COQ3: variants seen among roughly 807,000 people sequenced by gnomAD.
COQ3 encodes the protein coenzyme Q3, methyltransferase, also known as ubiquinone biosynthesis O-methyltransferase, mitochondrial.
COQ3 carries 29 observed loss-of-function variants against 33.1 expected under a neutral mutation model. The ratio of observed to expected loss-of-function variants is 0.88; its 90% CI spans 0.65 to 1.19. The LOEUF (loss-of-function observed/expected upper bound fraction) is 1.19, where lower values mean the gene tolerates loss of function less well. Ranked by LOEUF, COQ3 falls within the 50% of genes most tolerant of loss-of-function variation. COQ3 has a pLI of 0.00. For synonymous variants in COQ3, 173 were observed against 157.8 expected, an observed-to-expected ratio of 1.10 and a Z score of -0.72; for missense variants, 437 against 430.7, an observed-to-expected ratio of 1.01 and a Z score of -0.13.
intron 1 of COQ3, among the ~76,000 whole-genome samples, chr6:99,385,933 C>T (rs1424212719): frequency 1.4e-5 from 2 of 141,014 alleles, no homozygotes; most frequent in African/African-American, 5.3e-5. Flanking sequence ...GCCAAGATTG[C>T]GCCACTGCAC....
chr6:99,385,762 A>T (rs1019198787), intron 1 of COQ3, among the ~76,000 whole-genome samples: 19 of 152,022 alleles, frequency 1.2e-4, no homozygotes, highest in Middle Eastern at 3.2e-3. Flanking sequence ...AGATCACATG[A>T]GGTCAGGAGT....
At chr6:99,372,508 C>T (rs879469402) in intron 5 of COQ3, among the ~76,000 whole-genome samples, 2 of 152,002 alleles carry the variant, frequency 1.3e-5, no homozygotes, top group Non-Finnish European at 2.9e-5. Flanking sequence ...ACCTCCACCT[C>T]CCGGGTTCAA....
intron 1 of COQ3, among the ~76,000 whole-genome samples, chr6:99,384,569 A>G (rs1774562763): frequency 6.6e-6 from 1 of 152,234 alleles, no homozygotes; most frequent in Admixed American, 6.5e-5. Context: ...CATATGCTCA[A>G]TACCCTTTAC....
chr6:99,391,995 T>C (rs1774844841), intron 1 of COQ3, among the ~76,000 whole-genome samples: 1 of 145,528 alleles, frequency 6.9e-6, no homozygotes, highest in Non-Finnish European at 1.5e-5. Flanking sequence ...CAAGACCTTT[T>C]CTCAAAAAAA....
At chr6:99,390,573 C>T (rs1443540795) in intron 1 of COQ3, among the ~76,000 whole-genome samples, 1 of 152,214 alleles carries the variant, frequency 6.6e-6, no homozygotes, top group East Asian at 1.9e-4. Context: ...ACCTCATGAT[C>T]CACCCGCCTC....
At chr6:99,375,126 C>T (rs557816770) in intron 5 of COQ3, among the ~76,000 whole-genome samples, 31 of 151,600 alleles carry the variant, frequency 2.0e-4, no homozygotes, top group East Asian at 2.0e-4. Context: ...TGCGCCACCA[C>T]GCCTGGCTAA....
At chr6:99,377,698 T>C (rs1774337406) in intron 3 of COQ3, among the ~76,000 whole-genome samples, 1 of 152,174 alleles carries the variant, frequency 6.6e-6, no homozygotes, top group Non-Finnish European at 1.5e-5. Flanking sequence ...AATCTAGTAG[T>C]AATTATGACT....
At chr6:99,373,739 C>A (rs534651251) in intron 5 of COQ3, among the ~76,000 whole-genome samples, 13 of 152,168 alleles carry the variant, frequency 8.5e-5, no homozygotes, top group Non-Finnish European at 1.9e-4. Context: ...CGCCTGTAAT[C>A]CTAGCACTTT....
At position 99,380,197 on chromosome 6, in the gene COQ3, T is replaced by C. The variant is rs1304100929; in HGVS notation, c.378A>G (p.Pro126=). ...AGTTTCTGGAGTGTTACCTAATAAA[T>C]GGCACCCTCAGGTCATTCATGGAAT... ...PLHSMNDLRV[P]FIRDNLLKTI... is the part of the protein sequence containing the mutation. Residue 126 remains proline (P), a synonymous_variant, in exon 3 of 7, where the codon CCA becomes CCG. Transcript: ENST00000254759. 2 of 1,613,234 alleles carry C rather than the reference T, an allele frequency of 1.2e-6. No homozygotes were observed. The highest frequency in any genetic ancestry group is 1.7e-5 in the Admixed American group (1 of 59,870).
intron 1 of COQ3, among the ~76,000 whole-genome samples, chr6:99,386,904 G>A (rs1432309233): frequency 6.6e-6 from 1 of 151,902 alleles, no homozygotes; most frequent in East Asian, 1.9e-4. Flanking sequence ...AAATAGAAGG[G>A]TAAGGAATAC....
At chr6:99,376,994 ATG>A (rs140372356) in intron 4 of COQ3, among the ~76,000 whole-genome samples, 38,229 of 138,534 alleles carry the variant, frequency 0.28, 5,202 homozygotes, top group Middle Eastern at 0.39. Context: ...AATATTATGG[ATG>A]TGTGTGTGTG....
At chr6:99,374,130 A>T (rs929818449) in intron 5 of COQ3, among the ~76,000 whole-genome samples, 45 of 149,268 alleles carry the variant, frequency 3.0e-4, no homozygotes, top group South Asian at 4.5e-4. Flanking sequence ...AGCAAAAAAA[A>T]AAAAAAAAAA....
intron 6 of COQ3, 126 bp from the exon 7 acceptor site, chr6:99,369,946 A>G: frequency 1.6e-6 from 1 of 643,804 alleles, no homozygotes. Flanking sequence ...AAAAGAAGAA[A>G]AAAAAAGGAT....
At chr6:99,387,451 AAAAC>A (rs1465594523) in intron 1 of COQ3, among the ~76,000 whole-genome samples, 1 of 152,186 alleles carries the variant, frequency 6.6e-6, no homozygotes, top group Admixed American at 6.5e-5. Flanking sequence ...ACTGTCTCAA[AAAAC>A]AAACAAATGA....
At chr6:99,385,487 C>A (rs755812501) in intron 1 of COQ3, among the ~76,000 whole-genome samples, 5 of 151,840 alleles carry the variant, frequency 3.3e-5, no homozygotes. Flanking sequence ...AGAAAAATAA[C>A]GGTAAAAAGC....
At position 99,376,086 on chromosome 6, in the gene COQ3, C is replaced by T. The variant is rs1774275177; in HGVS notation, c.583G>A (p.Asp195Asn). Reference sequence around the variant, plus strand: ...CACACTCTGTACTCTATTCTCTTATCCAGGACTGGATCAAATGATTTATGG... The same window carrying T: ...CACACTCTGTACTCTATTCTCTTATTCAGGACTGGATCAAATGATTTATGG... ...QCHKSFDPVL[D>N]KRIEYRVCSL... The change falls in exon 5 of 7, where the codon GAT (aspartate) becomes AAT (asparagine). Residue 195 changes from aspartate to asparagine, a missense_variant. Physicochemically the swap from Asp to Asn is conservative, Grantham distance 23. Transcript: ENST00000254759. The T allele has an allele frequency of 6.2e-7, 1 of 1,614,072 alleles. No homozygotes were observed.
chr6:99,383,809 T>G lies in COQ3; in HGVS notation c.122A>C (p.Gln41Pro). Reference sequence around the variant, plus strand: ...TTTAATCTGTAGAGTCCCACTGAGCTGGTTCTTCACATAAACTGAAAAAAA... The same window carrying G: ...TTTAATCTGTAGAGTCCCACTGAGCGGGTTCTTCACATAAACTGAAAAAAA... ...LISSAVYVKN[Q>P]LSGTLQIKPG... is the part of the protein sequence containing the mutation. The change falls in exon 2 of 7, where the codon CAG (glutamine) becomes CCG (proline). Residue 41 changes from glutamine to proline, a missense_variant. Gln to Pro is a moderately conservative substitution (Grantham distance 76). Coordinates refer to ENST00000254759, the MANE Select transcript of COQ3 (RefSeq NM_017421.4). 1 of 1,576,906 alleles carries G rather than the reference T, an allele frequency of 6.3e-7. No homozygotes were observed. The highest frequency in any genetic ancestry group is 1.4e-5 in the African/African-American group (1 of 72,514).
chr6:99,373,925 G>C (rs1282183620), intron 5 of COQ3, among the ~76,000 whole-genome samples: 1 of 151,878 alleles, frequency 6.6e-6, no homozygotes, highest in African/African-American at 2.4e-5. Context: ...TGGGAGCATG[G>C]CTTGAGCCCA....
chr6:99,383,763 G>C lies in COQ3; in HGVS notation c.168C>G (p.Tyr56Ter). The C allele has an allele frequency of 1.3e-6, 2 of 1,599,370 alleles. No individual in the cohort carries two copies. Among genetic ancestry groups the C allele is most frequent in the Non-Finnish European group, 1.7e-6 (2 of 1,172,208 alleles). Residue 56 changes from tyrosine (Y) to a stop codon, truncating the protein, a stop_gained, in exon 2 of 7, where the codon TAC becomes TAG. Transcript: ENST00000254759. LOFTEE classifies it high-confidence loss of function. The part of the protein sequence containing the change: ...LQIKPGVFNE[Y>*]RTIWFKSYRT... Reference sequence around the variant, plus strand: ...TGTAGGATTTGAACCATATGGTTCTGTATTCATTGAAAACCCCTGGTTTAA... The same window carrying C: ...TGTAGGATTTGAACCATATGGTTCTCTATTCATTGAAAACCCCTGGTTTAA...
Sources: gnomAD v4.1 joint callset for allele counts (sites outside exome capture counted in the v4.1 genomes callset) on GRCh38, gnomAD v4.1.1 for gene constraint, MANE v1.5 for transcripts, NCBI Gene and HGNC (gene_info 2026-07-23, HGNC 2026-07-21) for gene names.